The following TNS1 variants were observed in gnomAD, a reference collection of about 807,000 sequenced individuals.
TNS1 encodes tensin-1.
In TNS1, 62 loss-of-function variants were observed where a neutral mutation model predicts 168.6. The ratio of observed to expected loss-of-function variants is 0.37; its 90% CI spans 0.30 to 0.45. TNS1 has a LOEUF of 0.45. Ranked by LOEUF, TNS1 falls within the 20% of genes least tolerant of loss-of-function variation. The pLI, the probability that TNS1 is intolerant of heterozygous loss-of-function variation, is 1.00. For missense variants in TNS1, 2,240 were observed against 2,339.4 expected (o/e 0.96, Z 0.88); for synonymous variants, 934 against 933.2 (o/e 1.00, Z -0.02).
Position 217,821,894 on chromosome 2 carries a change from C to T in TNS1, c.3418G>A (p.Gly1140Arg). Residue 1140 changes from glycine to arginine, a missense_variant, in exon 23 of 33, where the codon GGA becomes AGA. Physicochemically the swap from Gly to Arg is moderately radical, Grantham distance 125 (BLOSUM62 -2). This residue lies in a region of TNS1 where 2,131 missense variants were observed against 2,171.2 expected (regional missense o/e 0.98). Transcript: ENST00000682258. ...VESVARTAVA[G>R]PRAQDSEPKS... ...GGCTCAGAGTCCTGAGCTCGGGGTC[C>T]AGCCACCGCTGTCCGTGCCACAGAC... 2 of 1,588,936 alleles carry T rather than the reference C, an allele frequency of 1.3e-6. No individual in the cohort carries two copies. Among genetic ancestry groups the T allele is most frequent in the East Asian group, 2.3e-5 (1 of 43,570 alleles).
chr2:218,019,287 A>G (rs920104718), intron 1 of TNS1, among the ~76,000 whole-genome samples: 8 of 152,188 alleles, frequency 5.3e-5, no homozygotes, highest in Non-Finnish European at 1.0e-4. Context: ...AGTTCATGCT[A>G]AAGGAACTTT....
intron 2 of TNS1, among the ~76,000 whole-genome samples, chr2:217,981,476 G>A (rs987144730): frequency 1.3e-5 from 2 of 152,208 alleles, no homozygotes; most frequent in African/African-American, 4.8e-5. Context: ...ATTGCAATAC[G>A]CTATGCTGAG....
At position 217,802,123 on chromosome 2, in the gene TNS1, A is replaced by C. The variant is rs1937578473; in HGVS notation, c.*2336T>G. 6.6e-6 allele frequency: 1 copy of C among 152,226 alleles called. No individual in the cohort carries two copies. Among genetic ancestry groups the C allele is most frequent in the Admixed American group, 6.5e-5 (1 of 15,290 alleles). The allele number at this position is 152,226 out of a possible 1,614,324, so 9.4% of individuals were successfully genotyped here. On this transcript the variant is annotated 3_prime_UTR_variant, in exon 33 of 33. Transcript: ENST00000682258. ...CTCCTGGGCTCTCCAGTGGGAGATG[A>C]GATATTTACAAAGGAAGGGGATGGG... is the stretch of plus-strand genomic sequence containing the variant.
In TNS1 at chr2:217,800,252, A is replaced by G. The variant is rs918589535; in HGVS notation, c.*4207T>C. On this transcript the variant is annotated 3_prime_UTR_variant, in exon 33 of 33. Coordinates refer to ENST00000682258, the MANE Select transcript of TNS1 (RefSeq NM_001387777.1). ...TGGGACATCCCTCTACAGTAACTCC[A>G]CTGCTGGCAAGAGCCCAGGCGTGGG... is the stretch of plus-strand genomic sequence containing the variant. 5 of 152,208 alleles carry G rather than the reference A, an allele frequency of 3.3e-5. No homozygotes were observed. Among genetic ancestry groups the G allele is most frequent in the Admixed American group, 2.6e-4 (4 of 15,280 alleles). 9.4% of individuals were successfully genotyped at this position (152,208 alleles called of 1,614,324 possible).
At chr2:217,896,121 G>C (rs900620730) in intron 8 of TNS1, among the ~76,000 whole-genome samples, 1 of 152,154 alleles carries the variant, frequency 6.6e-6, no homozygotes, top group Non-Finnish European at 1.5e-5. Context: ...CCCACTTTAC[G>C]GACACAGAAG....
At chr2:217,910,774 A>G (rs1954311233) in intron 4 of TNS1, among the ~76,000 whole-genome samples, 1 of 147,876 alleles carries the variant, frequency 6.8e-6, no homozygotes, top group Non-Finnish European at 1.5e-5. Context: ...CCATCCTTGC[A>G]TGCCACTCCT....
intron 3 of TNS1, among the ~76,000 whole-genome samples, chr2:217,968,435 T>C (rs1957699875): frequency 6.6e-6 from 1 of 152,182 alleles, no homozygotes; most frequent in Non-Finnish European, 1.5e-5. Context: ...ATACTGATGA[T>C]TGTAAGATAA....
intron 1 of TNS1, among the ~76,000 whole-genome samples, chr2:218,023,060 A>C (rs750652856): frequency 1.3e-5 from 2 of 152,212 alleles, no homozygotes; most frequent in Non-Finnish European, 2.9e-5. Context: ...CTTCAGGCTC[A>C]AAGGCCAATC....
chr2:217,837,517 T>C (rs1015022428), intron 19 of TNS1, among the ~76,000 whole-genome samples: 2 of 152,160 alleles, frequency 1.3e-5, no homozygotes, highest in Non-Finnish European at 2.9e-5. Context: ...TCTCCCATAA[T>C]CAGGGGCTCC....
At chr2:217,974,236 G>C (rs1449958001) in intron 3 of TNS1, among the ~76,000 whole-genome samples, 1 of 152,182 alleles carries the variant, frequency 6.6e-6, no homozygotes. Flanking sequence ...GTACGTTTGA[G>C]TTTTGTATAA....
At chr2:218,031,161 C>CTG (rs200028873) in intron 1 of TNS1, among the ~76,000 whole-genome samples, 34,085 of 125,928 alleles carry the variant, frequency 0.27, 6,183 homozygotes, top group African/African-American at 0.54. Flanking sequence ...GTGAGCATGT[C>CTG]TATGAGTGTC....
chr2:217,949,168 G>T (rs1957184445), intron 3 of TNS1, among the ~76,000 whole-genome samples: 2 of 152,210 alleles, frequency 1.3e-5, no homozygotes, highest in South Asian at 4.1e-4. Context: ...GTGACCAGAG[G>T]AAATTCTCAG....
intron 27 of TNS1, among the ~76,000 whole-genome samples, chr2:217,812,979 A>G (rs1227668586): frequency 6.6e-6 from 1 of 152,252 alleles, no homozygotes; most frequent in Non-Finnish European, 1.5e-5. Flanking sequence ...TTGTTACTCC[A>G]GTTATAATGA....
At chr2:217,870,763 T>C (rs1485548317) in intron 18 of TNS1, among the ~76,000 whole-genome samples, 1 of 152,158 alleles carries the variant, frequency 6.6e-6, no homozygotes, top group Non-Finnish European at 1.5e-5. Context: ...GTGTGTTCCA[T>C]GGGCAGAGGC....
chr2:217,915,252 C>T (rs564236749), intron 4 of TNS1, among the ~76,000 whole-genome samples: 1 of 152,358 alleles, frequency 6.6e-6, no homozygotes, highest in African/African-American at 2.4e-5. Context: ...TTCCAGTTAA[C>T]GTCACATCCT....
chr2:217,931,145 A>T (rs1956301565), intron 3 of TNS1, among the ~76,000 whole-genome samples: 1 of 152,166 alleles, frequency 6.6e-6, no homozygotes, highest in Admixed American at 6.5e-5. Flanking sequence ...GGAGACAGGC[A>T]TGTAAACAGA....
intron 3 of TNS1, among the ~76,000 whole-genome samples, chr2:217,927,854 C>T (rs1956114306): frequency 6.6e-6 from 1 of 152,236 alleles, no homozygotes; most frequent in Non-Finnish European, 1.5e-5. Flanking sequence ...AGGCAGGCAG[C>T]TTCTGAGCCC....
At chr2:217,908,741 A>G (rs1953992415) in intron 4 of TNS1, among the ~76,000 whole-genome samples, 2 of 152,080 alleles carry the variant, frequency 1.3e-5, no homozygotes, top group South Asian at 2.1e-4. Flanking sequence ...CAGGGGATGA[A>G]ACTTCCTGAG....
At chr2:217,939,580 G>T (rs926850570) in intron 3 of TNS1, among the ~76,000 whole-genome samples, 1 of 152,246 alleles carries the variant, frequency 6.6e-6, no homozygotes, top group African/African-American at 2.4e-5. Context: ...TGGGGGAAAT[G>T]GACCCAGGTC....
Sources: allele counts gnomAD v4.1 joint callset (sites outside exome capture counted in the v4.1 genomes callset), GRCh38; gene constraint gnomAD v4.1.1; regional missense constraint gnomAD v4.1.1; transcripts MANE v1.5; gene names NCBI Gene and HGNC (gene_info 2026-07-23, HGNC 2026-07-21).